CNTN5: variants seen among roughly 807,000 people sequenced by gnomAD.
CNTN5 encodes the protein contactin-5.
A neutral mutation model predicts 129.1 loss-of-function variants in CNTN5; 77 were observed. The ratio of observed to expected loss-of-function variants is 0.60; its 90% confidence interval spans 0.50 to 0.72. The LOEUF (loss-of-function observed/expected upper bound fraction) is 0.72. Among genes scored for constraint, CNTN5 ranks in the 30% least tolerant of loss-of-function variants. The pLI, the probability that CNTN5 is intolerant of heterozygous loss-of-function variation, is 0.00. For missense variants in CNTN5, 1,478 were observed against 1,328.8 expected, an observed-to-expected ratio of 1.11 and a Z score of -1.75; for synonymous variants, 509 against 465.6, an observed-to-expected ratio of 1.09 and a Z score of -1.20.
chr11:99,311,675 A>G (rs1865121651), intron 1 of CNTN5, among the ~76,000 whole-genome samples: 1 of 152,206 alleles, frequency 6.6e-6, no homozygotes, highest in South Asian at 2.1e-4. Context: ...GGTTCTTGAA[A>G]TAAGCCTTTT....
chr11:99,879,733 C>T (rs955197039), intron 6 of CNTN5, among the ~76,000 whole-genome samples: 4 of 152,170 alleles, frequency 2.6e-5, no homozygotes, highest in East Asian at 1.9e-4. Flanking sequence ...GCAATGCTTA[C>T]GACAACTTTT....
intron 13 of CNTN5, among the ~76,000 whole-genome samples, chr11:100,190,740 T>TA (rs142477696): frequency 3.3e-5 from 5 of 151,552 alleles, no homozygotes; most frequent in Admixed American, 6.6e-5. Flanking sequence ...TTTTTTTTTT[T>TA]TATATATGAC....
intron 3 of CNTN5, among the ~76,000 whole-genome samples, chr11:99,741,185 AATT>A (rs1389581338): frequency 6.6e-6 from 1 of 152,134 alleles, no homozygotes; most frequent in Non-Finnish European, 1.5e-5. Flanking sequence ...ACATTGTTTA[AATT>A]ATTGGGATTC....
chr11:99,068,084 A>G (rs7105939), intron 1 of CNTN5, among the ~76,000 whole-genome samples: 52,421 of 151,914 alleles, frequency 0.35, 9,472 homozygotes, highest in African/African-American at 0.42. Context: ...ATGATTTTAA[A>G]CTTCCTGTGG....
intron 6 of CNTN5, among the ~76,000 whole-genome samples, chr11:99,849,504 G>T (rs968018088): frequency 2.0e-5 from 3 of 151,848 alleles, no homozygotes; most frequent in Non-Finnish European, 2.9e-5. Context: ...CCAACCCCTT[G>T]TCAGGCATAG....
At chr11:100,354,391 G>A (rs776941478) in intron 24 of CNTN5, among the ~76,000 whole-genome samples, 1 of 151,438 alleles carries the variant, frequency 6.6e-6, no homozygotes, top group African/African-American at 2.4e-5. Context: ...ATCCAACAGC[G>A]ATTCTAATAT....
chr11:99,559,284 G>C (rs1948765358), intron 3 of CNTN5, among the ~76,000 whole-genome samples: 1 of 152,028 alleles, frequency 6.6e-6, no homozygotes, highest in Admixed American at 6.6e-5. Context: ...AAGACTAACT[G>C]AAGAATACCC....
At chr11:99,869,314 G>A (rs1346937143) in intron 6 of CNTN5, among the ~76,000 whole-genome samples, 1 of 152,094 alleles carries the variant, frequency 6.6e-6, no homozygotes, top group Non-Finnish European at 1.5e-5. Flanking sequence ...TCAAAATCAA[G>A]AGTAACAATT....
In CNTN5 at chr11:100,141,970, GCTGGGGTC is replaced by G. The variant is rs549704984; in HGVS notation, c.1581-49151_1581-49144del. 8.5e-5 allele frequency among the ~76,000 whole-genome samples: 13 copies of G among 152,146 alleles called. 1 individual carries two copies. The South Asian group carries it at 2.7e-3, about 32-fold the overall frequency. ...AATGTGGATGGGTACCATTCAATTG[GCTGGGGTC>G]CTGGATAGAACAAAAAAGCAGAGAG... On this transcript the variant is annotated intron_variant, in intron 13 of 24. Coordinates refer to ENST00000524871, the MANE Select transcript of CNTN5 (RefSeq NM_014361.4).
intron 1 of CNTN5, among the ~76,000 whole-genome samples, chr11:99,037,237 T>A (rs2135120599): frequency 6.6e-6 from 1 of 152,294 alleles, no homozygotes; most frequent in East Asian, 1.9e-4. Flanking sequence ...ACCAGACTGG[T>A]TTCTCTCCCT....
chr11:99,700,643 A>G (rs927851432), intron 3 of CNTN5, among the ~76,000 whole-genome samples: 3 of 151,410 alleles, frequency 2.0e-5, no homozygotes, highest in African/African-American at 7.2e-5. Flanking sequence ...TAATTTTGTC[A>G]TGAAATGCAG....
chr11:99,473,109 G>A (rs1945237508), intron 2 of CNTN5, among the ~76,000 whole-genome samples: 1 of 152,034 alleles, frequency 6.6e-6, no homozygotes, highest in African/African-American at 2.4e-5. Flanking sequence ...ACATTCCACT[G>A]TAAAAAGAAA....
At position 99,035,233 on chromosome 11, in the gene CNTN5, A is replaced by G. The variant is rs867408105; in HGVS notation, c.-210+13963A>G. Among the ~76,000 whole-genome samples, 651 of 149,454 alleles carry G rather than the reference A, an allele frequency of 4.4e-3. 5 individuals carry two copies. The highest frequency in any genetic ancestry group is 0.015 in the African/African-American group (603 of 40,698). On this transcript the variant is annotated intron_variant, in intron 1 of 24. Coordinates refer to ENST00000524871, the MANE Select transcript of CNTN5 (RefSeq NM_014361.4). Reference sequence around the variant, plus strand: ...AATAGGTGTGGTGTGGTGCTGAAAAAAATGTATATTCTGTTGATTTGGGGT... The same window carrying G: ...AATAGGTGTGGTGTGGTGCTGAAAAGAATGTATATTCTGTTGATTTGGGGT...
chr11:99,813,258 C>A (rs1441387), intron 3 of CNTN5, among the ~76,000 whole-genome samples: 18,226 of 152,102 alleles, frequency 0.12, 1,633 homozygotes, highest in East Asian at 0.43. Context: ...CCCATCAGAG[C>A]ATCACTCAAT....
chr11:100,123,545 A>T (rs951721138), intron 13 of CNTN5, among the ~76,000 whole-genome samples: 16 of 152,054 alleles, frequency 1.1e-4, no homozygotes, highest in African/African-American at 3.9e-4. Context: ...TTGCTAATTT[A>T]AAAAGTCTTC....
intron 1 of CNTN5, among the ~76,000 whole-genome samples, chr11:99,217,112 A>G (rs1180800355): frequency 6.6e-6 from 1 of 152,136 alleles, no homozygotes; most frequent in Non-Finnish European, 1.5e-5. Context: ...CCTGGGAGGC[A>G]GAGTTTCCAC....
At chr11:100,106,926 A>C (rs1283543376) in intron 13 of CNTN5, among the ~76,000 whole-genome samples, 1 of 152,190 alleles carries the variant, frequency 6.6e-6, no homozygotes, top group Non-Finnish European at 1.5e-5. Context: ...CTTACTTTCA[A>C]GGGAGTTCTT....
intron 13 of CNTN5, among the ~76,000 whole-genome samples, chr11:100,083,585 A>T (rs972768368): frequency 6.6e-5 from 10 of 152,184 alleles, no homozygotes; most frequent in African/African-American, 2.4e-4. Flanking sequence ...TTAATAACCC[A>T]AAATAATGCA....
At chr11:99,634,993 A>G (rs1005683729) in intron 3 of CNTN5, among the ~76,000 whole-genome samples, 2 of 152,182 alleles carry the variant, frequency 1.3e-5, no homozygotes, top group Non-Finnish European at 2.9e-5. Flanking sequence ...AAGACAAAAT[A>G]TATACTAATA....
Sources: gnomAD v4.1 joint callset for allele counts (sites outside exome capture counted in the v4.1 genomes callset) on GRCh38, gnomAD v4.1.1 for gene constraint, MANE v1.5 for transcripts, NCBI Gene and HGNC (gene_info 2026-07-23, HGNC 2026-07-21) for gene names.